The following TCF20 variants were observed in gnomAD, a reference collection of about 807,000 sequenced individuals.
The protein encoded by TCF20 is SPRE-binding protein.
Under a neutral mutation model 148.6 loss-of-function variants are expected in TCF20, and 3 were observed. The ratio of observed to expected loss-of-function variants is 0.02; its 90% CI spans 0.01 to 0.05. The LOEUF (loss-of-function observed/expected upper bound fraction) is 0.05. Among genes scored for constraint, TCF20 ranks in the 10% least tolerant of loss-of-function variants. The pLI, the probability that TCF20 is intolerant of heterozygous loss-of-function variation, is 1.00. For synonymous variants in TCF20, 1,049 were observed against 909.5 expected (o/e 1.15, Z -2.76); for missense variants, 2,350 against 2,429.3 (o/e 0.97, Z 0.69).
At chr22:42,228,612 C>G (rs982523032) in intron 1 of TCF20, among the ~76,000 whole-genome samples, 3 of 152,260 alleles carry the variant, frequency 2.0e-5, no homozygotes, top group African/African-American at 7.2e-5. Context: ...TGAAGAGGAA[C>G]GAGGCTGGTA....
At chr22:42,230,002 A>G (rs972836935) in intron 1 of TCF20, among the ~76,000 whole-genome samples, 2 of 152,184 alleles carry the variant, frequency 1.3e-5, no homozygotes, top group African/African-American at 4.8e-5. Context: ...ACTTCCCTCC[A>G]ATCCAGCTTG....
chr22:42,273,324 C>T (rs1016202525), upstream of TCF20, among the ~76,000 whole-genome samples: 14 of 136,752 alleles, frequency 1.0e-4, no homozygotes, highest in African/African-American at 3.0e-4. Context: ...TGTGCTGTTG[C>T]ACTCCAGCCT....
chr22:42,323,445 C>A (rs73886041), intron 1 of TCF20, among the ~76,000 whole-genome samples: 3,788 of 151,746 alleles, frequency 0.025, 179 homozygotes, highest in African/African-American at 0.089. Flanking sequence ...GGGAAGGGGG[C>A]ACCTGTCAGC....
chr22:42,210,314 C>A lies in TCF20; in HGVS notation c.4992G>T (p.Arg1664Ser), dbSNP rs767811758. The stretch of plus-strand genomic sequence containing the variant: ...GAGGGGTCAGTGACCTCTGACCCTT[C>A]CTGCCCCTCACTAATTTGGTCTGTT... ...EEEQTKLVRG[R>S]KGQRSLTPPP... Residue 1664 changes from arginine to serine, a missense_variant, in exon 2 of 6, where the codon AGG becomes AGT. Arg to Ser is a moderately radical substitution (Grantham distance 110). Transcript: ENST00000677622. The surrounding 1 kb of genome is among the most constrained non-coding windows in gnomAD (Gnocchi z 4.7). 9.9e-6 allele frequency: 16 copies of A among 1,614,096 alleles called. No individual in the cohort carries two copies. Among genetic ancestry groups the A allele is most frequent in the Non-Finnish European group, 1.4e-5 (16 of 1,180,052 alleles).
At chr22:42,250,446 C>CAA (rs35668152) in intron 1 of TCF20, among the ~76,000 whole-genome samples, 28 of 76,194 alleles carry the variant, frequency 3.7e-4, no homozygotes, top group South Asian at 1.0e-3. Flanking sequence ...AACTCCATCT[C>CAA]AAAAAAAAAA....
At chr22:42,283,177 C>T (rs1171958589) in intron 1 of TCF20, among the ~76,000 whole-genome samples, 2 of 152,228 alleles carry the variant, frequency 1.3e-5, no homozygotes, top group African/African-American at 4.8e-5. Flanking sequence ...TTCTCTCGGC[C>T]CTCGCTCCGT....
intron 1 of TCF20, among the ~76,000 whole-genome samples, chr22:42,221,883 C>T (rs1196616873): frequency 2.6e-5 from 4 of 151,828 alleles, no homozygotes; most frequent in African/African-American, 4.8e-5. Context: ...GGACTACAGG[C>T]GCCCACCACC....
chr22:42,262,591 C>T lies in TCF20; in HGVS notation c.-37+7748G>A, dbSNP rs182629437. ...CTGAAGATGTGAATGTGGGGATCAT[C>T]ATCTTATGAACAAACAAAAGCCTGG... is the stretch of plus-strand genomic sequence containing the variant. On this transcript the variant is annotated intron_variant, in intron 1 of 5. Transcript: ENST00000677622. 1.8e-3 allele frequency among the ~76,000 whole-genome samples: 281 copies of T among 152,152 alleles called. 1 individual carries two copies. Among genetic ancestry groups the T allele is most frequent in the Non-Finnish European group, 3.6e-3 (242 of 67,988 alleles).
chr22:42,246,332 T>G (rs1437452971), intron 1 of TCF20, among the ~76,000 whole-genome samples: 1 of 152,100 alleles, frequency 6.6e-6, no homozygotes, highest in East Asian at 1.9e-4. Flanking sequence ...CTTAAACTCT[T>G]TACCTCACCT....
intron 1 of TCF20, among the ~76,000 whole-genome samples, chr22:42,225,563 G>A (rs527741455): frequency 3.0e-4 from 45 of 147,668 alleles, no homozygotes; most frequent in Non-Finnish European, 5.9e-4. Flanking sequence ...GCAGTGAGCC[G>A]AGATTGCGCC....
intron 2 of TCF20, among the ~76,000 whole-genome samples, chr22:42,188,758 T>C (rs1937181948): frequency 6.6e-6 from 1 of 152,246 alleles, no homozygotes; most frequent in Non-Finnish European, 1.5e-5. Flanking sequence ...TAATCTTTTC[T>C]TTTTATTCAT....
chr22:42,196,212 C>T (rs564997391), intron 2 of TCF20, among the ~76,000 whole-genome samples: 202 of 152,304 alleles, frequency 1.3e-3, no homozygotes, highest in African/African-American at 4.6e-3. Flanking sequence ...GGATTTGACC[C>T]ATGGGTGCTA....
chr22:42,341,563 G>A (rs1315536733), intron 1 of TCF20, among the ~76,000 whole-genome samples: 2 of 152,120 alleles, frequency 1.3e-5, no homozygotes, highest in East Asian at 3.9e-4. Context: ...ACAGGCAGAA[G>A]ACCCCCAAGG....
At chr22:42,333,254 G>A (rs893629446) in intron 1 of TCF20, among the ~76,000 whole-genome samples, 2 of 152,078 alleles carry the variant, frequency 1.3e-5, no homozygotes, top group African/African-American at 4.8e-5. Flanking sequence ...CCAGGGCTGT[G>A]TGTAGACAGT....
intron 2 of TCF20, among the ~76,000 whole-genome samples, chr22:42,202,438 A>G (rs1429752089): frequency 6.6e-6 from 1 of 152,236 alleles, no homozygotes; most frequent in African/African-American, 2.4e-5. Flanking sequence ...ACAGAGGTTA[A>G]GTGACTTGAG....
intron 3 of TCF20, among the ~76,000 whole-genome samples, chr22:42,174,451 C>T (rs779288609): frequency 3.9e-5 from 6 of 152,156 alleles, no homozygotes; most frequent in Non-Finnish European, 5.9e-5. Flanking sequence ...GATGTGGCAC[C>T]GGCCTGTCAG....
At chr22:42,281,002 T>A (rs1177058611) in intron 1 of TCF20, among the ~76,000 whole-genome samples, 1 of 152,090 alleles carries the variant, frequency 6.6e-6, no homozygotes, top group Non-Finnish European at 1.5e-5. Context: ...CACCCCTCTG[T>A]GCTGCCATCT....
At chr22:42,177,720 A>G (rs1335593254) in intron 3 of TCF20, among the ~76,000 whole-genome samples, 1 of 152,222 alleles carries the variant, frequency 6.6e-6, no homozygotes, top group Non-Finnish European at 1.5e-5. Flanking sequence ...TTAGAGTAAG[A>G]AATACATATT....
chr22:42,256,472 G>GTTT (rs59215167), intron 1 of TCF20, among the ~76,000 whole-genome samples: 1 of 139,060 alleles, frequency 7.2e-6, no homozygotes, highest in Admixed American at 7.2e-5. Flanking sequence ...ATGTAGCAAA[G>GTTT]TTTTTTTTTT....
Sources: gnomAD v4.1 joint callset for allele counts (sites outside exome capture counted in the v4.1 genomes callset) on GRCh38, gnomAD v4.1.1 for gene constraint, Gnocchi (gnomAD v3.1) non-coding constraint, MANE v1.5 for transcripts, NCBI Gene and HGNC (gene_info 2026-07-23, HGNC 2026-07-21) for gene names.